The following TIMP2 variants were observed in gnomAD, a reference collection of about 807,000 sequenced individuals.
The protein encoded by TIMP2 is metalloproteinase inhibitor 2.
In TIMP2, 5 loss-of-function variants were observed where a neutral mutation model predicts 24.3. The ratio of observed to expected loss-of-function variants is 0.21; its 90% CI spans 0.11 to 0.43. TIMP2 has a LOEUF of 0.43. TIMP2 is among the 20% of genes least tolerant of loss of function. The pLI is 1.00. For missense variants in TIMP2, 221 were observed against 297.5 expected, an observed-to-expected ratio of 0.74 and a Z score of 1.89; for synonymous variants, 130 against 123.2, an observed-to-expected ratio of 1.06 and a Z score of -0.37.
rs1448307808 is a variant in TIMP2 at position 78,877,632 on chromosome 17, C to T, written c.131-3713G>A. Among the ~76,000 whole-genome samples the T allele has an allele frequency of 4.6e-5, 7 of 152,018 alleles. No homozygotes were observed. In the East Asian group the frequency reaches 5.8e-4, roughly 13 times the overall value. On this transcript the variant is annotated intron_variant, in intron 1 of 4. Transcript: ENST00000262768. ...AACAGTTCCAGTAGGAGCAGCAAGC[C>T]GGCCTTTATTACAGTCTGCTGAATT...
chr17:78,915,669 A>G (rs957941205), intron 1 of TIMP2, among the ~76,000 whole-genome samples: 1 of 151,584 alleles, frequency 6.6e-6, no homozygotes, highest in African/African-American at 2.4e-5. Flanking sequence ...ACAGGCGTGC[A>G]CCACCACGCC....
intron 1 of TIMP2, among the ~76,000 whole-genome samples, chr17:78,910,555 G>A (rs781278856): frequency 6.6e-6 from 1 of 152,096 alleles, no homozygotes; most frequent in Non-Finnish European, 1.5e-5. Flanking sequence ...CTATCTAGCT[G>A]TAATTTTGTA....
At chr17:78,884,268 G>C (rs1476855663) in intron 1 of TIMP2, among the ~76,000 whole-genome samples, 1 of 152,138 alleles carries the variant, frequency 6.6e-6, no homozygotes, top group Non-Finnish European at 1.5e-5. Context: ...TTCTCTCCTC[G>C]CACTGTTGCT....
rs937815253 is a variant in TIMP2, at chr17:78,896,750, T to C, written c.131-22831A>G. Among the ~76,000 whole-genome samples, 2 of 152,130 alleles carry C rather than the reference T, an allele frequency of 1.3e-5. No homozygotes were observed. Among genetic ancestry groups the C allele is most frequent in the Admixed American group, 6.5e-5 (1 of 15,284 alleles). On this transcript the variant is annotated intron_variant, in intron 1 of 4. Transcript: ENST00000262768. This position sits in a 1 kb window ranked among gnomAD's most constrained non-coding sequence, Gnocchi z 4.4. ...GAAGGAAGGCGAGTGGACACCAATC[T>C]GGCCTCCGGACGGCACCAGGGCCTC...
intron 1 of TIMP2, among the ~76,000 whole-genome samples, chr17:78,893,525 CTGTT>C (rs551203907): frequency 7.0e-4 from 102 of 145,836 alleles, no homozygotes; most frequent in African/African-American, 2.7e-3. Flanking sequence ...GTGTGCACAT[CTGTT>C]TATGTTTCTG....
intron 1 of TIMP2, among the ~76,000 whole-genome samples, chr17:78,907,235 G>A (rs1419645856): frequency 3.3e-5 from 5 of 149,748 alleles, no homozygotes; most frequent in Non-Finnish European, 5.9e-5. Context: ...GGGTCTTGTC[G>A]TGTTGCCCAG....
intron 3 of TIMP2, among the ~76,000 whole-genome samples, chr17:78,868,553 G>A (rs1237143617): frequency 2.0e-5 from 3 of 152,026 alleles, no homozygotes; most frequent in African/African-American, 4.8e-5. Flanking sequence ...ACCAGGCCTT[G>A]TCTATTCTTT....
At chr17:78,894,407 AT>A (rs1453757025) in intron 1 of TIMP2, among the ~76,000 whole-genome samples, 1 of 152,106 alleles carries the variant, frequency 6.6e-6, no homozygotes, top group East Asian at 1.9e-4. Flanking sequence ...AGATCACACA[AT>A]TAGAATAGTG....
rs1249965971 is a variant in TIMP2 at position 78,871,720 on chromosome 17, C to G, written c.232-714G>C. ...ATTTAGCTGGGCGTGGTGGCGGGCG[C>G]CTGTAGTCCCAGCTACTCGGGAGGC... On this transcript the variant is annotated intron_variant, in intron 2 of 4. Transcript: ENST00000262768. Among the ~76,000 whole-genome samples, 3 of 151,768 alleles carry G rather than the reference C, an allele frequency of 2.0e-5. No homozygotes were observed. In the East Asian group the frequency reaches 5.9e-4, roughly 30 times the overall value.
At chr17:78,886,540 G>A (rs1182066120) in intron 1 of TIMP2, among the ~76,000 whole-genome samples, 1 of 152,154 alleles carries the variant, frequency 6.6e-6, no homozygotes, top group African/African-American at 2.4e-5. Flanking sequence ...AGAAACAGCA[G>A]GAGCACGGTG....
chr17:78,908,408 G>T (rs899024141), intron 1 of TIMP2, among the ~76,000 whole-genome samples: 1 of 152,196 alleles, frequency 6.6e-6, no homozygotes, highest in Non-Finnish European at 1.5e-5. Context: ...GCCCTTCCAT[G>T]CCTCTAAACT....
At position 78,924,782 on chromosome 17, in the gene TIMP2, G is replaced by C. The variant is rs907180883; in HGVS notation, c.130+177C>G. ...GAGGGAAAGAAAGGGAGAGGAGGGA[G>C]GGGGGAAAGAAAGTCGGCTCTGGGC... is the stretch of plus-strand genomic sequence containing the variant. On this transcript the variant is annotated intron_variant, in intron 1 of 4. Transcript: ENST00000262768. This position sits in a 1 kb window ranked among gnomAD's most constrained non-coding sequence, Gnocchi z 5.3. Among the ~76,000 whole-genome samples the C allele has an allele frequency of 6.6e-6, 1 of 152,042 alleles. No individual in the cohort carries two copies. The highest frequency in any genetic ancestry group is 2.4e-5 in the African/African-American group (1 of 41,416).
intron 1 of TIMP2, among the ~76,000 whole-genome samples, chr17:78,907,450 G>T (rs1353968623): frequency 6.6e-6 from 1 of 152,190 alleles, no homozygotes; most frequent in Admixed American, 6.5e-5. Flanking sequence ...TGGTGGAGTC[G>T]TCTGAACACA....
intron 1 of TIMP2, among the ~76,000 whole-genome samples, chr17:78,877,345 G>A (rs758479928): frequency 1.3e-4 from 20 of 152,188 alleles, no homozygotes; most frequent in African/African-American, 3.9e-4. Context: ...TCGGGAGGCC[G>A]AGGCGGGCGG....
chr17:78,915,771 C>T (rs2070252302), intron 1 of TIMP2, among the ~76,000 whole-genome samples: 2 of 152,178 alleles, frequency 1.3e-5, no homozygotes, highest in African/African-American at 4.8e-5. Context: ...CCACATGCCT[C>T]GGCCTCCCCA....
chr17:78,871,027 A>G, intron 2 of TIMP2, 21 bp from the exon 3 acceptor site: 1 of 1,601,088 alleles, frequency 6.2e-7, no homozygotes, highest in East Asian at 2.2e-5. Flanking sequence ...AAGGAGGAGG[A>G]CATGTAAGCA....
chr17:78,870,928 C>A lies in TIMP2; in HGVS notation c.310G>T (p.Val104Phe). The change falls in exon 3 of 5, where the codon GTT (valine) becomes TTT (phenylalanine). Residue 104 changes from valine (V) to phenylalanine (F), a missense_variant. Physicochemically the swap from Val to Phe is conservative, Grantham distance 50 (BLOSUM62 -1). Coordinates refer to ENST00000262768, the MANE Select transcript of TIMP2 (RefSeq NM_003255.5). ...SSAVCGVSLD[V>F]GGKKEYLIAG... ...ATGAGATATTCCTTCTTTCCTCCAA[C>A]GTCCAGCGAGACCCCACACACTGCC... 1 of 1,613,904 alleles carries A rather than the reference C, an allele frequency of 6.2e-7. No homozygotes were observed. Among genetic ancestry groups the A allele is most frequent in the South Asian group, 1.1e-5 (1 of 90,984 alleles).
At chr17:78,881,625 T>G (rs1323564236) in intron 1 of TIMP2, among the ~76,000 whole-genome samples, 3 of 152,270 alleles carry the variant, frequency 2.0e-5, no homozygotes, top group Non-Finnish European at 4.4e-5. Flanking sequence ...TGGAATTACA[T>G]GCCAGTCATT....
chr17:78,892,813 A>G (rs1489308787), intron 1 of TIMP2, among the ~76,000 whole-genome samples: 3 of 152,180 alleles, frequency 2.0e-5, no homozygotes, highest in Non-Finnish European at 4.4e-5. Context: ...CACACTGCAC[A>G]GGAGGGCTGC....
Sources: gnomAD v4.1 joint callset for allele counts (sites outside exome capture counted in the v4.1 genomes callset) on GRCh38, gnomAD v4.1.1 for gene constraint, Gnocchi (gnomAD v3.1) non-coding constraint, MANE v1.5 for transcripts, NCBI Gene and HGNC (gene_info 2026-07-23, HGNC 2026-07-21) for gene names.